The following PRKG1 variants were observed in gnomAD, a reference collection of about 807,000 sequenced individuals.
PRKG1 encodes the protein cGMP-dependent protein kinase 1.
Under a neutral mutation model 88.1 loss-of-function variants are expected in PRKG1, and 35 were observed. That is an observed-to-expected ratio of 0.40 (90% CI 0.30 to 0.53). The LOEUF is 0.53. Ranked by LOEUF, PRKG1 falls within the 20% of genes least tolerant of loss-of-function variation. The pLI is 0.59. For missense variants in PRKG1, 540 were observed against 839.8 expected, an observed-to-expected ratio of 0.64 and a Z score of 4.41; for synonymous variants, 303 against 292.5, an observed-to-expected ratio of 1.04 and a Z score of -0.37.
At chr10:51,480,728 T>C (rs1380054502) in intron 3 of PRKG1, among the ~76,000 whole-genome samples, 2 of 152,156 alleles carry the variant, frequency 1.3e-5, no homozygotes, top group Non-Finnish European at 2.9e-5. Context: ...AGAATATTGA[T>C]AGAAAAGTAC....
At chr10:51,051,131 G>T (rs928988508) in intron 1 of PRKG1, among the ~76,000 whole-genome samples, 3 of 152,006 alleles carry the variant, frequency 2.0e-5, no homozygotes, top group African/African-American at 7.2e-5. Flanking sequence ...TCTGTTGATT[G>T]TTTTCTATGC....
chr10:51,088,667 C>G (rs913034406), intron 1 of PRKG1, among the ~76,000 whole-genome samples: 2 of 151,942 alleles, frequency 1.3e-5, no homozygotes, highest in Non-Finnish European at 2.9e-5. Flanking sequence ...GTTTGAATTT[C>G]TATGTTTTGA....
chr10:51,429,457 A>C (rs1838694947), intron 2 of PRKG1, among the ~76,000 whole-genome samples: 1 of 152,128 alleles, frequency 6.6e-6, no homozygotes, highest in Admixed American at 6.5e-5. Flanking sequence ...AGAAAGAAAA[A>C]TGTGGCCCAG....
intron 1 of PRKG1, among the ~76,000 whole-genome samples, chr10:51,087,283 A>G (rs1844277339): frequency 6.7e-6 from 1 of 150,282 alleles, no homozygotes; most frequent in South Asian, 2.1e-4. Context: ...TTAATGGTCA[A>G]TTATTGATGA....
At chr10:51,672,999 T>A (rs1220066338) in intron 3 of PRKG1, among the ~76,000 whole-genome samples, 2 of 152,202 alleles carry the variant, frequency 1.3e-5, no homozygotes, top group Non-Finnish European at 2.9e-5. Context: ...AGGTTCTGTC[T>A]TTCATTCACC....
chr10:52,283,373 A>C (rs1436350069), intron 14 of PRKG1, among the ~76,000 whole-genome samples: 3 of 152,074 alleles, frequency 2.0e-5, no homozygotes, highest in Non-Finnish European at 4.4e-5. Flanking sequence ...CTTAGTCACT[A>C]CAGTGAACAT....
intron 9 of PRKG1, among the ~76,000 whole-genome samples, chr10:52,181,419 C>CT (rs761799361): frequency 0.049 from 2,687 of 55,050 alleles, 52 homozygotes; most frequent in Middle Eastern, 0.11. Flanking sequence ...CACAGCTCTT[C>CT]TTTTTTTTTT....
intron 2 of PRKG1, among the ~76,000 whole-genome samples, chr10:51,308,231 G>A (rs969606677): frequency 1.3e-5 from 2 of 152,122 alleles, no homozygotes; most frequent in Non-Finnish European, 2.9e-5. Context: ...GTGAGTAATT[G>A]TGGTGGCAGG....
chr10:51,039,706 T>C (rs1405182916), intron 1 of PRKG1, among the ~76,000 whole-genome samples: 5 of 152,224 alleles, frequency 3.3e-5, no homozygotes, highest in African/African-American at 4.8e-5. Context: ...CCAATGTTTC[T>C]TTAGTAGTCA....
At chr10:51,613,332 G>A (rs977621782) in intron 3 of PRKG1, among the ~76,000 whole-genome samples, 4 of 151,542 alleles carry the variant, frequency 2.6e-5, no homozygotes, top group Non-Finnish European at 3.0e-5. Flanking sequence ...AGTTTCTGGT[G>A]GTCTTTTGTA....
intron 3 of PRKG1, among the ~76,000 whole-genome samples, chr10:51,723,343 A>T (rs1039951034): frequency 5.9e-5 from 9 of 152,186 alleles, no homozygotes; most frequent in Admixed American, 2.0e-4. Context: ...GAAGCTGGAA[A>T]CCATCATTCT....
chr10:51,835,235 T>C (rs955736246), intron 4 of PRKG1, among the ~76,000 whole-genome samples: 1 of 152,202 alleles, frequency 6.6e-6, no homozygotes, highest in Non-Finnish European at 1.5e-5. Context: ...CTTGACAAGC[T>C]GGATGGGAAG....
At chr10:51,435,356 C>A (rs1388808353) in intron 2 of PRKG1, among the ~76,000 whole-genome samples, 1 of 151,368 alleles carries the variant, frequency 6.6e-6, no homozygotes, top group Non-Finnish European at 1.5e-5. Context: ...TAGGGCTTAA[C>A]CACAGGTGTG....
rs574362768 is a variant in PRKG1, at chr10:51,851,114, T to C, written c.698+46424T>C. 8.0e-4 allele frequency among the ~76,000 whole-genome samples: 122 copies of C among 152,228 alleles called. 3 individuals are homozygous for C. The highest frequency in any genetic ancestry group is 7.9e-3 in the Admixed American group (120 of 15,286). The stretch of plus-strand genomic sequence containing the variant: ...AGATTAAATAAATTATGGAATACTA[T>C]GCAGCTGTTAATAGATAATCAGGAA... On this transcript the variant is annotated intron_variant, in intron 4 of 17. Coordinates refer to ENST00000373980, the MANE Select transcript of PRKG1 (RefSeq NM_006258.4).
chr10:51,907,314 A>C (rs1842106192), intron 4 of PRKG1, among the ~76,000 whole-genome samples, 193 bp from the exon 5 acceptor site: 1 of 151,640 alleles, frequency 6.6e-6, no homozygotes, highest in South Asian at 2.1e-4. Flanking sequence ...ACCATGCTTA[A>C]ATGATTGCTT....
chr10:51,860,394 G>C (rs1201037229), intron 4 of PRKG1, among the ~76,000 whole-genome samples: 1 of 152,204 alleles, frequency 6.6e-6, no homozygotes, highest in Non-Finnish European at 1.5e-5. Context: ...GCAGAAAAGA[G>C]AGCGTGGTGA....
chr10:51,258,091 C>T (rs1040475679), intron 2 of PRKG1, among the ~76,000 whole-genome samples: 1 of 152,094 alleles, frequency 6.6e-6, no homozygotes, highest in Non-Finnish European at 1.5e-5. Flanking sequence ...TTATGGATGA[C>T]CACGAAGCAC....
intron 2 of PRKG1, among the ~76,000 whole-genome samples, chr10:51,462,543 G>A (rs1564507951): frequency 6.6e-6 from 1 of 152,118 alleles, no homozygotes; most frequent in Non-Finnish European, 1.5e-5. Flanking sequence ...GGTGGTATGT[G>A]TATAGTGGTG....
chr10:51,676,330 G>T (rs1444115270), intron 3 of PRKG1, among the ~76,000 whole-genome samples: 1 of 151,982 alleles, frequency 6.6e-6, no homozygotes. Flanking sequence ...CTCACAGAAA[G>T]TTCTGCTGGA....
Sources: gnomAD v4.1 joint callset for allele counts (sites outside exome capture counted in the v4.1 genomes callset) on GRCh38, gnomAD v4.1.1 for gene constraint, MANE v1.5 for transcripts, NCBI Gene and HGNC (gene_info 2026-07-23, HGNC 2026-07-21) for gene names.